KLHDC1: variants seen among roughly 807,000 people sequenced by gnomAD.
The protein encoded by KLHDC1 is kelch domain containing 1, also known as kelch domain-containing protein 1.
Under a neutral mutation model 68.3 loss-of-function variants are expected in KLHDC1, and 53 were observed. That is an observed-to-expected ratio of 0.78 (90% CI 0.62 to 0.98). The LOEUF is 0.98. Ranked by LOEUF, KLHDC1 falls within the 50% of genes least tolerant of loss-of-function variation. The probability of loss-of-function intolerance (pLI) is 0.00; values close to 1 mark genes in which losing one functional copy is unlikely to be tolerated. For missense variants in KLHDC1, 470 were observed against 492.3 expected, an observed-to-expected ratio of 0.95 and a Z score of 0.43; for synonymous variants, 148 against 159.0, an observed-to-expected ratio of 0.93 and a Z score of 0.52.
intron 1 of KLHDC1, among the ~76,000 whole-genome samples, chr14:49,701,519 C>T (rs750533478): frequency 2.0e-5 from 3 of 151,738 alleles, no homozygotes; most frequent in African/African-American, 4.8e-5. Context: ...AATAGCTGGT[C>T]GTGGTGGTGC....
In KLHDC1 at chr14:49,738,791, G is replaced by A. The variant is rs118091177; in HGVS notation, c.897-1307G>A. On this transcript the variant is annotated intron_variant, in intron 10 of 12. Coordinates refer to ENST00000359332, the MANE Select transcript of KLHDC1 (RefSeq NM_172193.3). ...ATGGCCAACAAGCACTCTCCAGAGT[G>A]GGAGGATGCCCTAATTTGTAGCATT... Among the ~76,000 whole-genome samples, 816 of 152,374 alleles carry A rather than the reference G, an allele frequency of 5.4e-3. 2 individuals are homozygous for A. Among genetic ancestry groups the A allele is most frequent in the Middle Eastern group, 0.017 (5 of 294 alleles).
Position 49,729,026 on chromosome 14 carries a change from G to A in KLHDC1, c.651+17G>A, listed in dbSNP as rs2139756854. ...CGTGTTCTGGTTAGTGTTTTTAATG[G>A]AAATGGTATTTTTATGTGCAATGCT... On this transcript the variant is annotated intron_variant, in intron 7 of 12. Coordinates refer to ENST00000359332, the MANE Select transcript of KLHDC1 (RefSeq NM_172193.3). 1 of 1,561,542 alleles carries A rather than the reference G, an allele frequency of 6.4e-7. No individual in the cohort carries two copies. The highest frequency in any genetic ancestry group is 2.2e-5 in the East Asian group (1 of 44,576).
At position 49,751,589 on chromosome 14, in the gene KLHDC1, A is replaced by G. The variant is rs764452467; in HGVS notation, c.1038A>G (p.Ser346=). 2 of 1,514,890 alleles carry G rather than the reference A, an allele frequency of 1.3e-6. No homozygotes were observed. Among genetic ancestry groups the G allele is most frequent in the East Asian group, 4.7e-5 (2 of 42,646 alleles). 93.8% of individuals were successfully genotyped at this position (1,514,890 alleles called of 1,614,324 possible). ...TTCTGTTATGTTTTATTTACAGGTC[A>G]TGCCTTGACTGCATTGGTAAAAATT... ...FQTQPYSLLR[S]CLDCIGKNSI... is the part of the protein sequence containing the mutation. The change falls in exon 13 of 13, where the codon TCA becomes TCG. Residue 346 remains serine, a synonymous_variant. Transcript: ENST00000359332.
At chr14:49,695,956 C>G (rs993314676) in intron 1 of KLHDC1, among the ~76,000 whole-genome samples, 1 of 151,672 alleles carries the variant, frequency 6.6e-6, no homozygotes, top group South Asian at 2.1e-4. Flanking sequence ...GTCTCAGCTA[C>G]TGGGGAGGCT....
At chr14:49,729,640 C>G in intron 8 of KLHDC1, 92 bp downstream of exon 8, 1 of 806,864 alleles carries the variant, frequency 1.2e-6, no homozygotes, top group African/African-American at 1.7e-5. Context: ...TAAAACTGGA[C>G]TGGTATTTTT....
chr14:49,733,989 A>G (rs1373334481), intron 9 of KLHDC1, among the ~76,000 whole-genome samples: 1 of 152,184 alleles, frequency 6.6e-6, no homozygotes, highest in Non-Finnish European at 1.5e-5. Context: ...TATTTAAAAG[A>G]GATTTGGAAT....
intron 1 of KLHDC1, among the ~76,000 whole-genome samples, chr14:49,706,876 G>T (rs1437327684): frequency 2.0e-5 from 3 of 151,858 alleles, no homozygotes; most frequent in Non-Finnish European, 4.4e-5. Flanking sequence ...ATATATTCTG[G>T]TTATTAATCC....
intron 1 of KLHDC1, among the ~76,000 whole-genome samples, chr14:49,707,311 A>G (rs985027176): frequency 1.4e-5 from 2 of 145,114 alleles, no homozygotes; most frequent in African/African-American, 5.1e-5. Context: ...AGAGAGAGAG[A>G]GAGAGAGACA....
intron 1 of KLHDC1, among the ~76,000 whole-genome samples, chr14:49,696,727 T>C (rs913607093): frequency 6.6e-6 from 1 of 152,240 alleles, no homozygotes; most frequent in Non-Finnish European, 1.5e-5. Flanking sequence ...TTCATTAGAA[T>C]AGCACTCTTG....
chr14:49,710,158 C>T, intron 3 of KLHDC1, 105 bp from the exon 4 acceptor site: 1 of 625,416 alleles, frequency 1.6e-6, no homozygotes, highest in South Asian at 2.1e-5. Context: ...ACAAGCTTAC[C>T]TATTAAAAAG....
chr14:49,711,359 G>A (rs117693999), intron 4 of KLHDC1, among the ~76,000 whole-genome samples: 4,493 of 152,100 alleles, frequency 0.03, 96 homozygotes, highest in Non-Finnish European at 0.051. Context: ...ATGCCACCAC[G>A]CTGGCTAATT....
At chr14:49,722,450 C>CT (rs1281667510) in intron 4 of KLHDC1, among the ~76,000 whole-genome samples, 1 of 152,082 alleles carries the variant, frequency 6.6e-6, no homozygotes, top group African/African-American at 2.4e-5. Flanking sequence ...TGAACTCATC[C>CT]TTTTTTATGG....
In KLHDC1 at chr14:49,713,809, TATATATATATATATATATATATATA is replaced by T. The variant is rs1888274258; in HGVS notation, c.404+3429_404+3453del. Among the ~76,000 whole-genome samples, 4 of 26,804 alleles carry T rather than the reference TATATATATATATATATATATATATA, an allele frequency of 1.5e-4. 1 individual carries two copies. The highest frequency in any genetic ancestry group is 2.1e-4 in the Non-Finnish European group (4 of 19,172). The allele number at this position is 26,804 out of a possible 152,430, so 17.6% of individuals were successfully genotyped here. A position where few individuals can be genotyped will look rare whatever the true frequency, so the allele number is the denominator to read the frequency against. On this transcript the variant is annotated intron_variant, in intron 4 of 12. Coordinates refer to ENST00000359332, the MANE Select transcript of KLHDC1 (RefSeq NM_172193.3). ...GGCTGAGGCAGGAGGTATATATATA[TATATATATATATATATATATATATA>T]TATATATATATATATATTTTTTTTT...
intron 10 of KLHDC1, among the ~76,000 whole-genome samples, chr14:49,739,576 A>C (rs1162909457): frequency 6.6e-6 from 1 of 152,198 alleles, no homozygotes; most frequent in Non-Finnish European, 1.5e-5. Flanking sequence ...GGGAACATAG[A>C]GTAGGAAAAA....
intron 11 of KLHDC1, among the ~76,000 whole-genome samples, chr14:49,743,072 C>CAAA (rs55778725): frequency 6.0e-4 from 35 of 58,338 alleles, no homozygotes; most frequent in African/African-American, 1.2e-3. Flanking sequence ...ACCCTGTCTC[C>CAAA]AAAAAAAAAA....
intron 11 of KLHDC1, among the ~76,000 whole-genome samples, chr14:49,741,311 TTA>T (rs1256606160): frequency 8.8e-5 from 13 of 147,928 alleles, no homozygotes; most frequent in Admixed American, 2.0e-4. Flanking sequence ...AAGTATATTA[TTA>T]TTTTTTTTTT....
At chr14:49,737,312 T>G (rs1325832280) in intron 10 of KLHDC1, among the ~76,000 whole-genome samples, 3 of 152,170 alleles carry the variant, frequency 2.0e-5, no homozygotes, top group South Asian at 2.1e-4. Flanking sequence ...AATGACTTAG[T>G]TCCATTTTGG....
In KLHDC1 at chr14:49,709,690, C is replaced by T. The variant is rs757792704; in HGVS notation, c.168-19C>T. 3.9e-5 allele frequency: 54 copies of T among 1,398,442 alleles called. 1 individual carries two copies. In the Middle Eastern group the frequency reaches 3.4e-3, roughly 89 times the overall value. 86.6% of individuals were successfully genotyped at this position (1,398,442 alleles called of 1,614,324 possible). A position where few individuals can be genotyped will look rare whatever the true frequency, so the allele number is the denominator to read the frequency against. On this transcript the variant is annotated intron_variant, in intron 2 of 12. Coordinates refer to ENST00000359332, the MANE Select transcript of KLHDC1 (RefSeq NM_172193.3). Reference sequence around the variant, plus strand: ...GCCTTTCTGGAAAGTTATGGGATTCCATGTTATTCTTGCTGCAGGAGAATG... The same window carrying T: ...GCCTTTCTGGAAAGTTATGGGATTCTATGTTATTCTTGCTGCAGGAGAATG...
Position 49,693,258 on chromosome 14 carries a change from G to A in KLHDC1, c.64G>A (p.Gly22Arg). Residue 22 changes from glycine to arginine, a missense_variant, in exon 1 of 13, where the codon GGA (glycine) becomes AGA (arginine). Transcript: ENST00000359332. ...CAGCGGCCACTGCGCCGTGGTGGAC[G>A]GAAACTTCCTCTACGTGTGGGGGGG... ...ERSGHCAVVD[G>R]NFLYVWGGYV... is the part of the protein sequence containing the mutation. 1.9e-6 allele frequency: 3 copies of A among 1,567,986 alleles called. No individual in the cohort carries two copies. The highest frequency in any genetic ancestry group is 2.6e-5 in the East Asian group (1 of 38,658).
Sources: gnomAD v4.1 joint callset for allele counts (sites outside exome capture counted in the v4.1 genomes callset) on GRCh38, gnomAD v4.1.1 for gene constraint, MANE v1.5 for transcripts, NCBI Gene and HGNC (gene_info 2026-07-23, HGNC 2026-07-21) for gene names.